The following LRMDA variants were observed in gnomAD, a reference collection of about 807,000 sequenced individuals.
The protein encoded by LRMDA is leucine-rich melanocyte differentiation-associated protein.
Under a neutral mutation model 29.8 loss-of-function variants are expected in LRMDA, and 18 were observed. The observed-to-expected ratio is 0.60, with a 90% confidence interval of 0.42 to 0.90. LRMDA has a LOEUF of 0.90. Ranked by LOEUF, LRMDA falls within the 40% of genes least tolerant of loss-of-function variation. The probability of loss-of-function intolerance (pLI) is 0.00; values close to 1 mark genes in which losing one functional copy is unlikely to be tolerated. For synonymous variants in LRMDA, 125 were observed against 109.4 expected, an observed-to-expected ratio of 1.14 and a Z score of -0.89; for missense variants, 273 against 273.9, an observed-to-expected ratio of 1.00 and a Z score of 0.02.
In LRMDA at chr10:76,032,488, G is replaced by A. The variant is rs571477260; in HGVS notation, c.132-3520G>A. ...CAGTGGAAACTTAAAAGTTCTCTCC[G>A]TTTGAATCCACTGGAGCCCAATGCG... On this transcript the variant is annotated intron_variant, in intron 2 of 6. Transcript: ENST00000611255. Among the ~76,000 whole-genome samples the A allele has an allele frequency of 6.6e-5, 10 of 152,342 alleles. No homozygotes were observed. The South Asian group carries it at 1.2e-3, about 19-fold the overall frequency.
chr10:76,503,234 A>G (rs75314955), intron 6 of LRMDA, among the ~76,000 whole-genome samples: 4,581 of 151,980 alleles, frequency 0.03, 159 homozygotes, highest in African/African-American at 0.078. Flanking sequence ...CTCACATCAC[A>G]GGAATAAAGC....
intron 2 of LRMDA, among the ~76,000 whole-genome samples, chr10:75,493,798 C>G (rs1845015493): frequency 6.6e-6 from 1 of 152,068 alleles, no homozygotes; most frequent in African/African-American, 2.4e-5. Flanking sequence ...AGAAGAGTGC[C>G]TGGAAAGACT....
rs188685354 is a variant in LRMDA, at chr10:75,463,775, C to A, written c.131+25281C>A. On this transcript the variant is annotated intron_variant, in intron 2 of 6. Coordinates refer to ENST00000611255, the MANE Select transcript of LRMDA (RefSeq NM_001305581.2). Reference sequence around the variant, plus strand: ...CTTTGCCTCCCAGGTTCAAGCGAATCTCCTGCCTTAGCCTCCCGAGTAGCT... The same window carrying A: ...CTTTGCCTCCCAGGTTCAAGCGAATATCCTGCCTTAGCCTCCCGAGTAGCT... Among the ~76,000 whole-genome samples the A allele has an allele frequency of 6.3e-3, 961 of 152,304 alleles. 7 individuals are homozygous for A. The highest frequency in any genetic ancestry group is 0.027 in the Middle Eastern group (8 of 294).
intron 6 of LRMDA, among the ~76,000 whole-genome samples, chr10:76,493,084 C>G (rs910386656): frequency 6.6e-6 from 1 of 152,002 alleles, no homozygotes; most frequent in Non-Finnish European, 1.5e-5. Flanking sequence ...ATAAATCCAG[C>G]CAGACTCGTG....
chr10:76,323,377 A>G (rs963375606), intron 5 of LRMDA, among the ~76,000 whole-genome samples: 2 of 152,168 alleles, frequency 1.3e-5, no homozygotes, highest in East Asian at 3.8e-4. Flanking sequence ...AATATATCCC[A>G]TAGAATGTAT....
At chr10:75,718,624 G>C (rs1429264858) in intron 2 of LRMDA, among the ~76,000 whole-genome samples, 1 of 152,248 alleles carries the variant, frequency 6.6e-6, no homozygotes, top group Non-Finnish European at 1.5e-5. Context: ...CACTTGTCAT[G>C]AGCCTGGTTA....
At chr10:75,456,758 C>T (rs1276586210) in intron 2 of LRMDA, among the ~76,000 whole-genome samples, 1 of 152,230 alleles carries the variant, frequency 6.6e-6, no homozygotes, top group African/African-American at 2.4e-5. Flanking sequence ...TCACTGCAAC[C>T]TCCGCCTCCC....
chr10:76,146,656 CT>C (rs1850328583), intron 5 of LRMDA, among the ~76,000 whole-genome samples: 1 of 152,168 alleles, frequency 6.6e-6, no homozygotes, highest in African/African-American at 2.4e-5. Flanking sequence ...CAGTCTGTGT[CT>C]TTTAATTGGA....
chr10:75,588,671 AAATT>A (rs1187861906), intron 2 of LRMDA, among the ~76,000 whole-genome samples: 2 of 152,134 alleles, frequency 1.3e-5, no homozygotes, highest in South Asian at 4.1e-4. Context: ...TATGATTTGA[AAATT>A]AAGAGAGATG....
At chr10:76,255,249 C>T (rs995398698) in intron 5 of LRMDA, among the ~76,000 whole-genome samples, 1 of 152,010 alleles carries the variant, frequency 6.6e-6, no homozygotes, top group Admixed American at 6.6e-5. Context: ...TAAGAAAGAA[C>T]ATAAAGTTTG....
chr10:75,725,643 G>A lies in LRMDA; in HGVS notation c.131+287149G>A, dbSNP rs538984389. Among the ~76,000 whole-genome samples, 110 of 152,252 alleles carry A rather than the reference G, an allele frequency of 7.2e-4. 3 individuals are homozygous for A. Among genetic ancestry groups the A allele is most frequent in the Admixed American group, 5.8e-3 (88 of 15,304 alleles). ...ACCTGCTGCTTTCAGGGGAGGTAAT[G>A]GCTTTTCTTAAGGATAGATTTGGAT... On this transcript the variant is annotated intron_variant, in intron 2 of 6. Coordinates refer to ENST00000611255, the MANE Select transcript of LRMDA (RefSeq NM_001305581.2).
intron 2 of LRMDA, among the ~76,000 whole-genome samples, chr10:75,548,804 T>C (rs1840109729): frequency 1.3e-5 from 2 of 152,178 alleles, no homozygotes; most frequent in African/African-American, 2.4e-5. Context: ...CTATCTGTAA[T>C]GGAGCCAGGA....
chr10:75,620,492 A>G (rs1841167480), intron 2 of LRMDA, among the ~76,000 whole-genome samples: 1 of 152,074 alleles, frequency 6.6e-6, no homozygotes, highest in Non-Finnish European at 1.5e-5. Flanking sequence ...GTATTATTTC[A>G]TGTGCCCTAA....
chr10:76,130,245 T>A (rs1451828239), intron 5 of LRMDA, among the ~76,000 whole-genome samples: 4 of 152,044 alleles, frequency 2.6e-5, no homozygotes, highest in Admixed American at 2.6e-4. Context: ...TTCTTACACC[T>A]CTAGCCGTAA....
chr10:75,806,150 T>G (rs1235720318), intron 2 of LRMDA, among the ~76,000 whole-genome samples: 2 of 152,140 alleles, frequency 1.3e-5, no homozygotes, highest in African/African-American at 4.8e-5. Context: ...TAACTCTTAC[T>G]CACTTTTGAG....
chr10:76,508,346 T>G (rs941176279), intron 6 of LRMDA, among the ~76,000 whole-genome samples: 1 of 152,194 alleles, frequency 6.6e-6, no homozygotes, highest in East Asian at 1.9e-4. Flanking sequence ...CAACAGTTAT[T>G]ACCGTGGTGT....
intron 2 of LRMDA, among the ~76,000 whole-genome samples, chr10:75,631,623 G>A (rs1222700538): frequency 2.6e-5 from 4 of 152,084 alleles, no homozygotes; most frequent in African/African-American, 7.2e-5. Context: ...CCAGCTGAAT[G>A]TTCCTCTCCT....
intron 6 of LRMDA, among the ~76,000 whole-genome samples, chr10:76,358,605 G>A (rs893111978): frequency 4.6e-5 from 7 of 152,326 alleles, no homozygotes; most frequent in Admixed American, 1.3e-4. Context: ...AAATGGCTAA[G>A]GGTTGGGGTA....
chr10:76,557,693 C>G lies in LRMDA; in HGVS notation c.*405C>G, dbSNP rs1589236880. 1 of 196,640 alleles carries G rather than the reference C, an allele frequency of 5.1e-6. No individual in the cohort carries two copies. The highest frequency in any genetic ancestry group is 1.3e-4 in the East Asian group (1 of 7,700). 12.2% of individuals were successfully genotyped at this position (196,640 alleles called of 1,614,324 possible). A position where few individuals can be genotyped will look rare whatever the true frequency, so the allele number is the denominator to read the frequency against. ...GTGAGAAAGACTGTCCTCAGCTCGC[C>G]TATTGAATTGAAATCCCTCTGATAC... On this transcript the variant is annotated 3_prime_UTR_variant, in exon 7 of 7. Coordinates refer to ENST00000611255, the MANE Select transcript of LRMDA (RefSeq NM_001305581.2).
Sources: gnomAD v4.1 joint callset for allele counts (sites outside exome capture counted in the v4.1 genomes callset) on GRCh38, gnomAD v4.1.1 for gene constraint, MANE v1.5 for transcripts, NCBI Gene and HGNC (gene_info 2026-07-23, HGNC 2026-07-21) for gene names.